PPP1R12A: variants seen among roughly 807,000 people sequenced by gnomAD.
The protein encoded by PPP1R12A is myosin binding subunit.
A neutral mutation model predicts 139.6 loss-of-function variants in PPP1R12A; 19 were observed. The observed-to-expected ratio is 0.14, with a 90% CI of 0.09 to 0.20. The LOEUF (loss-of-function observed/expected upper bound fraction) is 0.20, where lower values mean the gene tolerates loss of function less well. PPP1R12A is among the 10% of genes least tolerant of loss of function. The pLI, the probability that PPP1R12A is intolerant of heterozygous loss-of-function variation, is 1.00. For missense variants in PPP1R12A, 925 were observed against 1,211.5 expected, an observed-to-expected ratio of 0.76 and a Z score of 3.51; for synonymous variants, 427 against 420.6, an observed-to-expected ratio of 1.02 and a Z score of -0.19.
intron 13 of PPP1R12A, 29 bp downstream of exon 13, chr12:79,806,137 C>A (rs769991000): frequency 1.9e-5 from 31 of 1,609,576 alleles, no homozygotes; most frequent in Non-Finnish European, 2.4e-5. Flanking sequence ...ACACAGTAGA[C>A]CTGAGCACAA....
intron 1 of PPP1R12A, among the ~76,000 whole-genome samples, chr12:79,873,865 T>A (rs574264332): frequency 1.9e-4 from 29 of 152,342 alleles, no homozygotes; most frequent in African/African-American, 7.0e-4. Context: ...GCAAGCTGAC[T>A]TAGCCACTTT....
intron 5 of PPP1R12A, chr12:79,825,502 G>A (rs1303249887): frequency 6.6e-6 from 1 of 151,816 alleles, no homozygotes. Context: ...ATGTATTACA[G>A]TTTGCAAATA....
At chr12:79,839,688 A>G (rs1031127790) in intron 3 of PPP1R12A, among the ~76,000 whole-genome samples, 12 of 152,082 alleles carry the variant, frequency 7.9e-5, no homozygotes, top group African/African-American at 1.4e-4. Flanking sequence ...CCGTGTGAAG[A>G]AGGATATGTT....
intron 22 of PPP1R12A, 37 bp from the exon 23 acceptor site, chr12:79,781,899 C>CA: frequency 2.2e-6 from 3 of 1,342,592 alleles, no homozygotes; most frequent in Admixed American, 2.2e-5. Context: ...GAGATAAGTG[C>CA]AAAAAAGTTC....
intron 2 of PPP1R12A, among the ~76,000 whole-genome samples, chr12:79,847,399 G>A (rs1399640776): frequency 6.6e-6 from 1 of 152,116 alleles, no homozygotes; most frequent in South Asian, 2.1e-4. Context: ...ACATCATGAA[G>A]ATAAAACATG....
At position 79,786,399 on chromosome 12, in the gene PPP1R12A, T is replaced by G; in HGVS notation, c.2882A>C (p.Lys961Thr). ...HDTNMELTDL[K>T]LQLEKATQRQ... ...CTGGGTGGCCTTTTCCAACTGTAAT[T>G]TAAGATCTGTTAGTTCCATATTTGT... The change falls in exon 22 of 25, where the codon AAA (lysine) becomes ACA (threonine). Residue 961 changes from lysine to threonine, a missense_variant. Around this residue, in one of 4 missense-constraint regions of PPP1R12A, gnomAD observed 315 missense variants for 363.4 expected, o/e 0.87. Coordinates refer to ENST00000450142, the MANE Select transcript of PPP1R12A (RefSeq NM_002480.3). 6.4e-7 allele frequency: 1 copy of G among 1,555,780 alleles called. No individual in the cohort carries two copies. The highest frequency in any genetic ancestry group is 1.4e-5 in the African/African-American group (1 of 73,550).
intron 1 of PPP1R12A, among the ~76,000 whole-genome samples, chr12:79,923,910 G>A (rs1200134001): frequency 2.0e-5 from 3 of 152,148 alleles, no homozygotes; most frequent in African/African-American, 7.2e-5. Flanking sequence ...CGGGCGTGGT[G>A]GTGGACGCCT....
At chr12:79,879,837 C>G (rs1266243940) in intron 1 of PPP1R12A, among the ~76,000 whole-genome samples, 1 of 151,494 alleles carries the variant, frequency 6.6e-6, no homozygotes, top group Non-Finnish European at 1.5e-5. Context: ...GAGTTGTATA[C>G]TTTACCAATG....
intron 18 of PPP1R12A, among the ~76,000 whole-genome samples, chr12:79,794,529 C>G (rs928493442): frequency 2.0e-5 from 3 of 151,026 alleles, no homozygotes; most frequent in Non-Finnish European, 4.4e-5. Context: ...GACTGAAACA[C>G]TGCAATTAAA....
At chr12:79,916,742 G>A (rs1286101267) in intron 1 of PPP1R12A, among the ~76,000 whole-genome samples, 2 of 152,274 alleles carry the variant, frequency 1.3e-5, no homozygotes, top group South Asian at 4.1e-4. Context: ...GAAAAGGCAA[G>A]TATAATACAG....
chr12:79,892,306 G>A (rs542569969), intron 1 of PPP1R12A, among the ~76,000 whole-genome samples: 12 of 151,950 alleles, frequency 7.9e-5, no homozygotes, highest in Non-Finnish European at 1.3e-4. Context: ...TCTTAAACAT[G>A]CCCAATCCGA....
chr12:79,840,916 T>C (rs1292578631), intron 3 of PPP1R12A, among the ~76,000 whole-genome samples: 1 of 152,178 alleles, frequency 6.6e-6, no homozygotes, highest in Admixed American at 6.5e-5. Flanking sequence ...TCCTTCACTA[T>C]CTGGCTCTGA....
intron 22 of PPP1R12A, among the ~76,000 whole-genome samples, chr12:79,784,081 C>G (rs990133034): frequency 6.8e-4 from 103 of 151,868 alleles, no homozygotes; most frequent in African/African-American, 2.4e-3. Context: ...ATGCAACTAT[C>G]AAAACTGCCA....
Position 79,934,754 on chromosome 12 carries a change from G to C in PPP1R12A, c.178C>G (p.Leu60Val). 1 of 1,551,572 alleles carries C rather than the reference G, an allele frequency of 6.4e-7. No individual in the cohort carries two copies. ...SGDTDEVLKL[L>V]HRGADINYAN... ...TAATTGATGTCGGCGCCGCGGTGCA[G>C]CAGCTTGAGGACCTCGTCCGTGTCG... Residue 60 changes from leucine to valine, a missense_variant, in exon 1 of 25, where the codon CTG becomes GTG. By Grantham distance (32) the Leu-to-Val change is conservative. Around this residue, in one of 4 missense-constraint regions of PPP1R12A, gnomAD observed 199 missense variants for 352.4 expected, o/e 0.56. Coordinates refer to ENST00000450142, the MANE Select transcript of PPP1R12A (RefSeq NM_002480.3).
At chr12:79,796,322 A>C (rs950136483) in intron 17 of PPP1R12A, among the ~76,000 whole-genome samples, 1 of 152,112 alleles carries the variant, frequency 6.6e-6, no homozygotes, top group Non-Finnish European at 1.5e-5. Flanking sequence ...TATAGTTGAG[A>C]AAGAAATGTA....
At chr12:79,886,556 A>G (rs1379270061) in intron 1 of PPP1R12A, among the ~76,000 whole-genome samples, 1 of 152,186 alleles carries the variant, frequency 6.6e-6, no homozygotes, top group Non-Finnish European at 1.5e-5. Flanking sequence ...CTTCATTTGG[A>G]CAAACAAAAG....
chr12:79,818,096 C>A (rs1875629243), intron 8 of PPP1R12A, among the ~76,000 whole-genome samples: 1 of 152,168 alleles, frequency 6.6e-6, no homozygotes, highest in African/African-American at 2.4e-5. Context: ...TGTAGAGAAT[C>A]AATCAACAAA....
rs561423909 is a variant in PPP1R12A, at chr12:79,892,343, A to G, written c.238-19405T>C. Among the ~76,000 whole-genome samples, 19 of 152,322 alleles carry G rather than the reference A, an allele frequency of 1.2e-4. No individual in the cohort carries two copies. In the South Asian group the frequency reaches 3.5e-3, roughly 28 times the overall value. ...ATTATAACTTGAGAACCAAAAAATAATAATTGTCTGATAATGTGGCAGTAC... is the reference window on the plus strand; with the variant it reads ...ATTATAACTTGAGAACCAAAAAATAGTAATTGTCTGATAATGTGGCAGTAC... On this transcript the variant is annotated intron_variant, in intron 1 of 24. Transcript: ENST00000450142.
chr12:79,808,727 A>G, intron 10 of PPP1R12A, 150 bp from the exon 11 acceptor site: 1 of 437,084 alleles, frequency 2.3e-6, no homozygotes, highest in Non-Finnish European at 4.1e-6. Context: ...GAACTCTAAA[A>G]TTAATGTCAA....
Sources: gnomAD v4.1 joint callset for allele counts (sites outside exome capture counted in the v4.1 genomes callset) on GRCh38, gnomAD v4.1.1 for gene constraint, gnomAD v4.1.1 regional missense constraint, MANE v1.5 for transcripts, NCBI Gene and HGNC (gene_info 2026-07-23, HGNC 2026-07-21) for gene names.